POC1A: variants seen among roughly 807,000 people sequenced by gnomAD.
POC1A encodes the protein POC1 centriolar protein A, also known as POC1 centriolar protein homolog A.
In POC1A, 34 loss-of-function variants were observed where a neutral mutation model predicts 47.8. The observed-to-expected ratio is 0.71, with a 90% CI of 0.54 to 0.95. The LOEUF (loss-of-function observed/expected upper bound fraction) is 0.95, where lower values mean the gene tolerates loss of function less well. POC1A is among the 40% of genes least tolerant of loss of function. The pLI is 0.00. For missense variants in POC1A, 466 were observed against 528.3 expected (o/e 0.88, Z 1.16); for synonymous variants, 177 against 207.6 (o/e 0.85, Z 1.27).
rs1008016596 is a variant in POC1A, at chr3:52,084,353, G to A, written c.1126-8368C>T. ...CAAACATGGCAGGGAAGCTGGAGCC[G>A]TAACTTCTCCAAAACTGAGGAGTTG... On this transcript the variant is annotated intron_variant, in intron 10 of 10. Coordinates refer to ENST00000296484, the MANE Select transcript of POC1A (RefSeq NM_015426.5). The surrounding 1 kb of genome is among the most constrained non-coding windows in gnomAD (Gnocchi z 4.3). Among the ~76,000 whole-genome samples, 3 of 152,160 alleles carry A rather than the reference G, an allele frequency of 2.0e-5. No homozygotes were observed. Among genetic ancestry groups the A allele is most frequent in the Non-Finnish European group, 2.9e-5 (2 of 68,034 alleles).
intron 7 of POC1A, among the ~76,000 whole-genome samples, chr3:52,128,959 A>G (rs528470854): frequency 1.3e-5 from 2 of 152,266 alleles, no homozygotes; most frequent in East Asian, 3.9e-4. Flanking sequence ...TTTCCCCTTC[A>G]GCCCATTGGT....
intron 7 of POC1A, among the ~76,000 whole-genome samples, chr3:52,126,229 C>G (rs1703995375): frequency 6.6e-6 from 1 of 152,246 alleles, no homozygotes; most frequent in South Asian, 2.1e-4. Flanking sequence ...CTACAGCTGA[C>G]TCATCAATGA....
At chr3:52,126,957 A>G (rs964837619) in intron 7 of POC1A, among the ~76,000 whole-genome samples, 6 of 152,152 alleles carry the variant, frequency 3.9e-5, no homozygotes, top group African/African-American at 1.2e-4. Context: ...CATTCTAATC[A>G]CACTACCCTT....
At chr3:52,087,583 C>T (rs906088733) in intron 10 of POC1A, among the ~76,000 whole-genome samples, 2 of 152,184 alleles carry the variant, frequency 1.3e-5, no homozygotes, top group Admixed American at 6.5e-5. Context: ...GGGAAGTACA[C>T]GAAACACTAT....
In POC1A at chr3:52,075,878, C is replaced by T; in HGVS notation, c.*9G>A. 1 of 1,604,426 alleles carries T rather than the reference C, an allele frequency of 6.2e-7. No individual in the cohort carries two copies. The highest frequency in any genetic ancestry group is 2.2e-5 in the East Asian group (1 of 44,802). Reference sequence around the variant, plus strand: ...AAATCCACCGAGCTCCTGATTCCTGCTCCCCTGATCATGGTGTTGCTCTCT... The same window carrying T: ...AAATCCACCGAGCTCCTGATTCCTGTTCCCCTGATCATGGTGTTGCTCTCT... On this transcript the variant is annotated 3_prime_UTR_variant, in exon 11 of 11. Transcript: ENST00000296484.
At chr3:52,117,128 T>C (rs936040900) in intron 9 of POC1A, among the ~76,000 whole-genome samples, 3 of 150,986 alleles carry the variant, frequency 2.0e-5, no homozygotes, top group Non-Finnish European at 2.9e-5. Context: ...GCAGAGATTA[T>C]AGTGAGCCAA....
intron 9 of POC1A, among the ~76,000 whole-genome samples, chr3:52,111,848 A>G (rs1703399434): frequency 6.6e-6 from 1 of 152,066 alleles, no homozygotes. Context: ...GAGAAGTGGG[A>G]GACAGGACAT....
intron 7 of POC1A, among the ~76,000 whole-genome samples, chr3:52,127,492 G>A (rs149382991): frequency 0.051 from 7,719 of 151,474 alleles, 312 homozygotes; most frequent in Middle Eastern, 0.092. Context: ...CTGGGTTCAC[G>A]CCATTCTCCT....
chr3:52,149,556 C>T (rs1213391000), intron 3 of POC1A, among the ~76,000 whole-genome samples, 167 bp from the exon 4 acceptor site: 1 of 152,218 alleles, frequency 6.6e-6, no homozygotes, highest in Non-Finnish European at 1.5e-5. Flanking sequence ...ATGAACAGAG[C>T]ACCATCTCTA....
chr3:52,094,975 A>G (rs1261599154), intron 10 of POC1A, among the ~76,000 whole-genome samples: 1 of 152,206 alleles, frequency 6.6e-6, no homozygotes, highest in African/African-American at 2.4e-5. Flanking sequence ...AAAACCTTCC[A>G]TGTGCACCCC....
Position 52,075,338 on chromosome 3 carries a change from G to A in POC1A, c.*549C>T, listed in dbSNP as rs1230598844. The A allele has an allele frequency of 6.5e-6, 1 of 154,750 alleles. No homozygotes were observed. The highest frequency in any genetic ancestry group is 1.4e-5 in the Non-Finnish European group (1 of 69,430). The allele number at this position is 154,750 out of a possible 1,614,324, so 9.6% of individuals were successfully genotyped here. ...CACCTGGCTCCAGTGAACACGTGTG[G>A]AACAGAAATCAGGGCCACTGAAAAG... On this transcript the variant is annotated 3_prime_UTR_variant, in exon 11 of 11. Transcript: ENST00000296484.
At chr3:52,142,761 A>G (rs1698239141) in intron 6 of POC1A, among the ~76,000 whole-genome samples, 1 of 152,186 alleles carries the variant, frequency 6.6e-6, no homozygotes, top group Non-Finnish European at 1.5e-5. Flanking sequence ...CTGTTGCCAG[A>G]GTACTGGGAG....
chr3:52,152,354 G>T (rs1698584748), intron 1 of POC1A, among the ~76,000 whole-genome samples: 1 of 152,158 alleles, frequency 6.6e-6, no homozygotes, highest in Non-Finnish European at 1.5e-5. Flanking sequence ...CAGATTACCT[G>T]AGGTCAAGAG....
chr3:52,108,381 G>C (rs898507114), intron 9 of POC1A, among the ~76,000 whole-genome samples: 12 of 152,224 alleles, frequency 7.9e-5, no homozygotes, highest in African/African-American at 2.9e-4. Context: ...CGACATCTCT[G>C]GGAGACGCCA....
chr3:52,108,797 C>G (rs182148511), intron 9 of POC1A, among the ~76,000 whole-genome samples: 12 of 152,310 alleles, frequency 7.9e-5, no homozygotes, highest in Admixed American at 7.8e-4. Flanking sequence ...AACAGCCTCT[C>G]CTTTCCTGGA....
intron 9 of POC1A, among the ~76,000 whole-genome samples, chr3:52,115,455 C>T (rs1285208599): frequency 6.6e-6 from 1 of 152,162 alleles, no homozygotes; most frequent in African/African-American, 2.4e-5. Flanking sequence ...AAAGTGAATG[C>T]CAAACCATAA....
intron 1 of POC1A, 70 bp from the exon 2 acceptor site, chr3:52,151,170 T>C (rs1352460220): frequency 1.3e-5 from 21 of 1,604,470 alleles, no homozygotes; most frequent in Non-Finnish European, 1.8e-5. Flanking sequence ...CCAGCACTCT[T>C]CCTACAACAG....
intron 6 of POC1A, among the ~76,000 whole-genome samples, chr3:52,139,620 C>T (rs926946869): frequency 1.3e-5 from 2 of 152,172 alleles, no homozygotes; most frequent in African/African-American, 4.8e-5. Context: ...CACAAGCCTC[C>T]CATCGGTTCA....
intron 9 of POC1A, among the ~76,000 whole-genome samples, chr3:52,103,475 G>A (rs989795862): frequency 6.6e-6 from 1 of 152,096 alleles, no homozygotes; most frequent in East Asian, 1.9e-4. Flanking sequence ...GTAGTGAGTC[G>A]AGAATATGCC....
Sources: gnomAD v4.1 joint callset for allele counts (sites outside exome capture counted in the v4.1 genomes callset) on GRCh38, gnomAD v4.1.1 for gene constraint, Gnocchi (gnomAD v3.1) non-coding constraint, MANE v1.5 for transcripts, NCBI Gene and HGNC (gene_info 2026-07-23, HGNC 2026-07-21) for gene names.